Variants in MAGI2 observed in about 807,000 individuals in gnomAD.
MAGI2 encodes membrane associated guanylate kinase, WW and PDZ domain containing 2.
Under a neutral mutation model 133.3 loss-of-function variants are expected in MAGI2, and 35 were observed. The ratio of observed to expected loss-of-function variants is 0.26; its 90% CI spans 0.20 to 0.35. The LOEUF (loss-of-function observed/expected upper bound fraction) is 0.35. Among genes scored for constraint, MAGI2 ranks in the 10% least tolerant of loss-of-function variants. The pLI is 1.00. For missense variants in MAGI2, 1,636 were observed against 1,863.4 expected (o/e 0.88, Z 2.25); for synonymous variants, 729 against 710.6 (o/e 1.03, Z -0.41).
chr7:79,052,310 T>C (rs1240855510), intron 1 of MAGI2, among the ~76,000 whole-genome samples: 2 of 152,172 alleles, frequency 1.3e-5, no homozygotes, highest in African/African-American at 4.8e-5. Flanking sequence ...ATTACATAAC[T>C]TGTGGGACCT....
chr7:78,858,370 C>T (rs926043876), intron 2 of MAGI2, among the ~76,000 whole-genome samples: 2 of 152,180 alleles, frequency 1.3e-5, no homozygotes, highest in Admixed American at 1.3e-4. Context: ...ATCTTTCCTG[C>T]TTTCTCTTGT....
chr7:78,265,997 T>G (rs1793964733), intron 9 of MAGI2, among the ~76,000 whole-genome samples: 1 of 152,166 alleles, frequency 6.6e-6, no homozygotes, highest in African/African-American at 2.4e-5. Flanking sequence ...TACCCGCAAC[T>G]GTCAATAGCC....
At chr7:79,199,097 T>TATC in intron 1 of MAGI2, among the ~76,000 whole-genome samples, 1 of 152,144 alleles carries the variant, frequency 6.6e-6, no homozygotes, top group Non-Finnish European at 1.5e-5. Context: ...ATCCACAAAC[T>TATC]ATCTAATTTA....
intron 1 of MAGI2, among the ~76,000 whole-genome samples, chr7:79,278,885 C>A (rs991555241): frequency 1.1e-4 from 16 of 152,058 alleles, no homozygotes; most frequent in Non-Finnish European, 2.2e-4. Context: ...GTAGCAAAAA[C>A]CTACTTTCCA....
At chr7:78,557,336 G>A (rs1799942520) in intron 3 of MAGI2, among the ~76,000 whole-genome samples, 1 of 152,158 alleles carries the variant, frequency 6.6e-6, no homozygotes, top group Non-Finnish European at 1.5e-5. Flanking sequence ...AAAGGAGCCA[G>A]TTAGCATTGT....
intron 2 of MAGI2, among the ~76,000 whole-genome samples, chr7:78,760,951 T>C (rs145894213): frequency 1.7e-3 from 262 of 152,334 alleles, no homozygotes; most frequent in African/African-American, 5.9e-3. Flanking sequence ...TGTTTATTTG[T>C]TGAATGCCTA....
Position 78,999,236 on chromosome 7 carries a change from G to C in MAGI2, c.418+7854C>G, listed in dbSNP as rs935158281. On this transcript the variant is annotated intron_variant, in intron 2 of 21. Coordinates refer to ENST00000354212, the MANE Select transcript of MAGI2 (RefSeq NM_012301.4). Reference sequence around the variant, plus strand: ...TCACAGCAGCAGAAAAGCCAATCAAGTCAGGGCAAAGGGAATTTTATGTGG... The same window carrying C: ...TCACAGCAGCAGAAAAGCCAATCAACTCAGGGCAAAGGGAATTTTATGTGG... 4.6e-5 allele frequency among the ~76,000 whole-genome samples: 7 copies of C among 151,738 alleles called. No homozygotes were observed. In the South Asian group the frequency reaches 1.5e-3, roughly 31 times the overall value.
At chr7:78,941,061 G>T (rs1159257746) in intron 2 of MAGI2, among the ~76,000 whole-genome samples, 56 of 152,066 alleles carry the variant, frequency 3.7e-4, no homozygotes, top group Admixed American at 3.6e-3. Context: ...TTTATACTTG[G>T]CTATACAGCC....
intron 2 of MAGI2, among the ~76,000 whole-genome samples, chr7:78,825,166 T>C (rs1790509491): frequency 6.6e-6 from 1 of 152,128 alleles, no homozygotes; most frequent in Admixed American, 6.6e-5. Context: ...GACAGGTTTA[T>C]AGGTGCAGCA....
intron 1 of MAGI2, among the ~76,000 whole-genome samples, chr7:79,353,107 T>C (rs1240204373): frequency 6.6e-6 from 1 of 152,144 alleles, no homozygotes. Flanking sequence ...GAGGCCGATT[T>C]AGCTTACAGA....
intron 1 of MAGI2, among the ~76,000 whole-genome samples, chr7:79,365,505 A>C (rs1842639960): frequency 6.6e-6 from 1 of 152,182 alleles, no homozygotes; most frequent in African/African-American, 2.4e-5. Flanking sequence ...TGGTTAAACA[A>C]ACTGACATAT....
intron 1 of MAGI2, among the ~76,000 whole-genome samples, chr7:79,197,810 G>A (rs1464972375): frequency 6.6e-6 from 1 of 151,892 alleles, no homozygotes; most frequent in Non-Finnish European, 1.5e-5. Flanking sequence ...TAGCAGAAGT[G>A]GTAAAAAGGG....
intron 2 of MAGI2, among the ~76,000 whole-genome samples, chr7:78,967,227 T>C (rs1468993979): frequency 6.6e-6 from 1 of 152,034 alleles, no homozygotes; most frequent in Non-Finnish European, 1.5e-5. Context: ...CGGGTGTGAG[T>C]CATAGCATCC....
chr7:78,236,311 CCAGA>C lies in MAGI2; in HGVS notation c.2047+19628_2047+19631del, dbSNP rs376718975. On this transcript the variant is annotated intron_variant, in intron 10 of 21. Transcript: ENST00000354212. ...AATGATGATAGGTTGCTTGAAAAGC[CCAGA>C]CAGAAGACAGTCAGTAGAAAAATAG... 1.5e-3 allele frequency among the ~76,000 whole-genome samples: 234 copies of C among 152,054 alleles called. 3 individuals carry two copies. Among genetic ancestry groups the C allele is most frequent in the Non-Finnish European group, 2.5e-3 (169 of 67,980 alleles).
intron 6 of MAGI2, among the ~76,000 whole-genome samples, chr7:78,476,339 A>C (rs187540180): frequency 8.7e-4 from 133 of 152,136 alleles, no homozygotes; most frequent in African/African-American, 3.1e-3. Flanking sequence ...AGTGAAGGCA[A>C]AGAAAGAATA....
At chr7:78,337,264 C>A (rs1789867485) in intron 9 of MAGI2, among the ~76,000 whole-genome samples, 1 of 152,180 alleles carries the variant, frequency 6.6e-6, no homozygotes. Context: ...TGTGATAATT[C>A]TTTCTGAGAA....
intron 1 of MAGI2, among the ~76,000 whole-genome samples, chr7:79,293,728 T>G (rs529009480): frequency 6.6e-6 from 1 of 152,350 alleles, no homozygotes; most frequent in East Asian, 1.9e-4. Context: ...AGAGCTAATA[T>G]TTAAATCTAT....
intron 2 of MAGI2, among the ~76,000 whole-genome samples, chr7:78,927,624 G>T (rs1168509872): frequency 6.6e-6 from 1 of 151,574 alleles, no homozygotes; most frequent in East Asian, 1.9e-4. Context: ...GTAAATCTAT[G>T]ATTAAAAAAA....
At chr7:79,353,314 T>C (rs904076925) in intron 1 of MAGI2, 15 of 376,490 alleles carry the variant, frequency 4.0e-5, no homozygotes, top group Non-Finnish European at 8.0e-5. Flanking sequence ...TCACGATGAA[T>C]GAGAGGAGCT....
Sources: gnomAD v4.1 joint callset for allele counts (sites outside exome capture counted in the v4.1 genomes callset) on GRCh38, gnomAD v4.1.1 for gene constraint, MANE v1.5 for transcripts, NCBI Gene and HGNC (gene_info 2026-07-23, HGNC 2026-07-21) for gene names.